The following FOXRED2 variants were observed in gnomAD, a reference collection of about 807,000 sequenced individuals.
FOXRED2 encodes FAD-dependent oxidoreductase domain-containing protein 2.
Under a neutral mutation model 52.5 loss-of-function variants are expected in FOXRED2, and 32 were observed. That is an observed-to-expected ratio of 0.61 (90% confidence interval 0.46 to 0.82). The LOEUF (loss-of-function observed/expected upper bound fraction) is 0.82, where lower values mean the gene tolerates loss of function less well. Ranked by LOEUF, FOXRED2 falls within the 40% of genes least tolerant of loss-of-function variation. The pLI, the probability that FOXRED2 is intolerant of heterozygous loss-of-function variation, is 0.00. For synonymous variants in FOXRED2, 405 were observed against 398.1 expected (o/e 1.02, Z -0.21); for missense variants, 848 against 937.5 (o/e 0.90, Z 1.25).
intron 7 of FOXRED2, 113 bp downstream of exon 7, chr22:36,495,854 C>T: frequency 1.6e-6 from 2 of 1,217,024 alleles, no homozygotes; most frequent in Non-Finnish European, 1.2e-6. Context: ...AGTCCCGCAG[C>T]CATCCCACCT....
chr22:36,491,641 G>A (rs2145839468), intron 8 of FOXRED2, among the ~76,000 whole-genome samples: 1 of 152,214 alleles, frequency 6.6e-6, no homozygotes, highest in African/African-American at 2.4e-5. Flanking sequence ...CTGACCTCAA[G>A]CTATCTGCCT....
chr22:36,489,802 C>T lies in FOXRED2; in HGVS notation c.*206G>A, dbSNP rs911670270. 2 of 493,044 alleles carry T rather than the reference C, an allele frequency of 4.1e-6. No homozygotes were observed. The highest frequency in any genetic ancestry group is 7.0e-6 in the Non-Finnish European group (2 of 284,710). 30.5% of individuals were successfully genotyped at this position (493,044 alleles called of 1,614,324 possible). ...ACCTGGCAGAGGATGCCCTTCTGCC[C>T]CCTGACAGGAGGGAGGAGACCACCG... On this transcript the variant is annotated 3_prime_UTR_variant, in exon 9 of 9. Coordinates refer to ENST00000397224, the MANE Select transcript of FOXRED2 (RefSeq NM_001102371.2).
intron 4 of FOXRED2, among the ~76,000 whole-genome samples, chr22:36,502,428 C>G (rs1934081026): frequency 6.6e-6 from 1 of 152,202 alleles, no homozygotes; most frequent in South Asian, 2.1e-4. Flanking sequence ...TGATAAATAA[C>G]TTAAGCAACT....
chr22:36,489,869 GCTGCAGACACTGCCATGAT>G lies in FOXRED2; in HGVS notation c.*120_*138del, dbSNP rs1568985115. 1 of 868,448 alleles carries G rather than the reference GCTGCAGACACTGCCATGAT, an allele frequency of 1.2e-6. No individual in the cohort carries two copies. The highest frequency in any genetic ancestry group is 1.6e-6 in the Non-Finnish European group (1 of 607,020). The allele number at this position is 868,448 out of a possible 1,614,324, so 53.8% of individuals were successfully genotyped here. On this transcript the variant is annotated 3_prime_UTR_variant, in exon 9 of 9. Coordinates refer to ENST00000397224, the MANE Select transcript of FOXRED2 (RefSeq NM_001102371.2). ...CCCTCACGTGCCATCTGGTGGCTTT[GCTGCAGACACTGCCATGAT>G]CTGAGTGGTCTTTGGCAATCACGCA...
chr22:36,503,721 C>T (rs894041166), intron 4 of FOXRED2, among the ~76,000 whole-genome samples: 3 of 152,326 alleles, frequency 2.0e-5, no homozygotes, highest in East Asian at 1.9e-4. Flanking sequence ...TAACTTCCGC[C>T]GAGGTCACAG....
chr22:36,501,337 T>C lies in FOXRED2; in HGVS notation c.1120A>G (p.Lys374Glu). 1 of 1,614,196 alleles carries C rather than the reference T, an allele frequency of 6.2e-7. No individual in the cohort carries two copies. Among genetic ancestry groups the C allele is most frequent in the Non-Finnish European group, 8.5e-7 (1 of 1,180,034 alleles). Reference sequence around the variant, plus strand: ...AGGATAAACAGACCCCGGCTTCCTTTGGATTCGTAGCTAGCTCGAATCAGC... The same window carrying C: ...AGGATAAACAGACCCCGGCTTCCTTCGGATTCGTAGCTAGCTCGAATCAGC... Reference protein sequence around the residue: ...YPLIRASYESKGSRGLFILGT... With the variant: ...YPLIRASYESEGSRGLFILGT... The change falls in exon 5 of 9, where the codon AAA (lysine) becomes GAA (glutamate). Residue 374 changes from lysine (K) to glutamate (E), a missense_variant. Coordinates refer to ENST00000397224, the MANE Select transcript of FOXRED2 (RefSeq NM_001102371.2).
chr22:36,493,225 G>A (rs13058637), intron 8 of FOXRED2, among the ~76,000 whole-genome samples: 2 of 152,192 alleles, frequency 1.3e-5, no homozygotes, highest in East Asian at 1.9e-4. Context: ...GGCGGATCAC[G>A]AGGTCAGTTC....
At chr22:36,496,805 GA>G (rs1463497597) in intron 6 of FOXRED2, among the ~76,000 whole-genome samples, 4 of 152,226 alleles carry the variant, frequency 2.6e-5, no homozygotes, top group African/African-American at 7.2e-5. Context: ...GGTGGTGGTA[GA>G]GCAGGTGAGA....
rs1341156079 is a variant in FOXRED2, at chr22:36,488,702, C to T, written c.*1306G>A. The T allele has an allele frequency of 1.3e-5, 2 of 152,268 alleles. No homozygotes were observed. The highest frequency in any genetic ancestry group is 3.8e-4 in the East Asian group (2 of 5,196). The allele number at this position is 152,268 out of a possible 1,614,324, so 9.4% of individuals were successfully genotyped here. A position where few individuals can be genotyped will look rare whatever the true frequency, so the allele number is the denominator to read the frequency against. On this transcript the variant is annotated 3_prime_UTR_variant, in exon 9 of 9. Transcript: ENST00000397224. Reference sequence around the variant, plus strand: ...GTTTAAGTGATTCTCCTGCCTCAGCCTCTCCAGTAGCTGGGATTATAGACA... The same window carrying T: ...GTTTAAGTGATTCTCCTGCCTCAGCTTCTCCAGTAGCTGGGATTATAGACA...
At chr22:36,506,612 C>G in intron 1 of FOXRED2, 189 bp from the exon 2 acceptor site, 4 of 526,216 alleles carry the variant, frequency 7.6e-6, no homozygotes. Flanking sequence ...TCCCCGGAAT[C>G]CCGAGCCCCT....
chr22:36,493,883 A>G (rs2281087), intron 7 of FOXRED2, 80 bp from the exon 8 acceptor site: 276,247 of 1,275,640 alleles, frequency 0.22, 33,157 homozygotes, highest in African/African-American at 0.47. Context: ...CACGGATCCC[A>G]CACAGCCCAA....
chr22:36,496,717 C>G (rs1933909660), intron 6 of FOXRED2, among the ~76,000 whole-genome samples: 1 of 152,196 alleles, frequency 6.6e-6, no homozygotes, highest in Admixed American at 6.5e-5. Context: ...GGTTACTGTG[C>G]TGAGAACAGA....
chr22:36,501,311 C>T lies in FOXRED2; in HGVS notation c.1146G>A (p.Leu382=). 1 of 1,614,136 alleles carries T rather than the reference C, an allele frequency of 6.2e-7. No individual in the cohort carries two copies. Among genetic ancestry groups the T allele is most frequent in the Non-Finnish European group, 8.5e-7 (1 of 1,180,022 alleles). Residue 382 remains leucine (L), a synonymous_variant, in exon 5 of 9, where the codon CTG becomes CTA. Transcript: ENST00000397224. Reference sequence around the variant, plus strand: ...AGTCCACCGAGTGGCTGGCAGTACCCAGGATAAACAGACCCCGGCTTCCTT... The same window carrying T: ...AGTCCACCGAGTGGCTGGCAGTACCTAGGATAAACAGACCCCGGCTTCCTT... ...ESKGSRGLFI[L]GTASHSVDYR...
intron 5 of FOXRED2, among the ~76,000 whole-genome samples, chr22:36,499,575 G>C (rs1406662599): frequency 6.6e-6 from 1 of 152,158 alleles, no homozygotes; most frequent in East Asian, 1.9e-4. Flanking sequence ...GCAGTGAGCC[G>C]AGATGGCGCC....
Position 36,488,093 on chromosome 22 carries a change from A to C in FOXRED2, c.*1915T>G, listed in dbSNP as rs1250596942. 1.3e-4 allele frequency: 2 copies of C among 15,898 alleles called. No homozygotes were observed. Among genetic ancestry groups the C allele is most frequent in the Non-Finnish European group, 2.2e-4 (1 of 4,610 alleles). The allele number at this position is 15,898 out of a possible 1,614,324, so 1.0% of individuals were successfully genotyped here. Reference sequence around the variant, plus strand: ...GGTGACAAGAGCGAAATCCATTGCAAAAAAAAAAAAAAAGAAAAAGAAAAA... The same window carrying C: ...GGTGACAAGAGCGAAATCCATTGCACAAAAAAAAAAAAAGAAAAAGAAAAA... On this transcript the variant is annotated 3_prime_UTR_variant, in exon 9 of 9. Transcript: ENST00000397224.
chr22:36,504,632 C>A lies in FOXRED2; in HGVS notation c.662G>T (p.Arg221Leu), dbSNP rs144857776. 6.2e-7 allele frequency: 1 copy of A among 1,614,186 alleles called. No homozygotes were observed. Among genetic ancestry groups the A allele is most frequent in the Non-Finnish European group, 8.5e-7 (1 of 1,180,026 alleles). Residue 221 changes from arginine to leucine, a missense_variant, in exon 3 of 9, where the codon CGT becomes CTT. Physicochemically the swap from Arg to Leu is moderately radical, Grantham distance 102. Coordinates refer to ENST00000397224, the MANE Select transcript of FOXRED2 (RefSeq NM_001102371.2). ...FVGQNVLILG[R>L]GNSAFETAEN... The stretch of plus-strand genomic sequence containing the variant: ...TGCTGTCTCAAAGGCCGAGTTCCCA[C>A]GACCCAGGATCAGCACATTCTGGCC...
At chr22:36,498,338 G>A in intron 5 of FOXRED2, 182 bp from the exon 6 acceptor site, 1 of 622,234 alleles carries the variant, frequency 1.6e-6, no homozygotes, top group Non-Finnish European at 2.8e-6. Context: ...TTTAGAGCAG[G>A]GCCAGCAGGT....
At chr22:36,502,301 G>C (rs1002128387) in intron 4 of FOXRED2, among the ~76,000 whole-genome samples, 1 of 152,212 alleles carries the variant, frequency 6.6e-6, no homozygotes, top group Non-Finnish European at 1.5e-5. Flanking sequence ...TTGTCTTTCT[G>C]CACCCTGGTC....
chr22:36,489,814 G>T lies in FOXRED2; in HGVS notation c.*194C>A. Reference sequence around the variant, plus strand: ...ATGCCCTTCTGCCCCCTGACAGGAGGGAGGAGACCACCGCATCCCCGACTT... The same window carrying T: ...ATGCCCTTCTGCCCCCTGACAGGAGTGAGGAGACCACCGCATCCCCGACTT... On this transcript the variant is annotated 3_prime_UTR_variant, in exon 9 of 9. Coordinates refer to ENST00000397224, the MANE Select transcript of FOXRED2 (RefSeq NM_001102371.2). The T allele has an allele frequency of 1.9e-6, 1 of 522,844 alleles. No homozygotes were observed. The highest frequency in any genetic ancestry group is 3.3e-6 in the Non-Finnish European group (1 of 306,036). 32.4% of individuals were successfully genotyped at this position (522,844 alleles called of 1,614,324 possible). A position where few individuals can be genotyped will look rare whatever the true frequency, so the allele number is the denominator to read the frequency against.
Sources: gnomAD v4.1 joint callset for allele counts (sites outside exome capture counted in the v4.1 genomes callset) on GRCh38, gnomAD v4.1.1 for gene constraint, MANE v1.5 for transcripts, NCBI Gene and HGNC (gene_info 2026-07-23, HGNC 2026-07-21) for gene names.